ADGRD1: variants seen among roughly 807,000 people sequenced by gnomAD.
The protein encoded by ADGRD1 is G-protein coupled receptor 133.
A neutral mutation model predicts 113.4 loss-of-function variants in ADGRD1; 77 were observed. That is an observed-to-expected ratio of 0.68 (90% CI 0.57 to 0.82). The LOEUF (loss-of-function observed/expected upper bound fraction) is 0.82, where lower values mean the gene tolerates loss of function less well. Among genes scored for constraint, ADGRD1 ranks in the 40% least tolerant of loss-of-function variants. The pLI is 0.00. For synonymous variants in ADGRD1, 474 were observed against 475.0 expected, an observed-to-expected ratio of 1.00 and a Z score of 0.03; for missense variants, 1,036 against 1,139.1, an observed-to-expected ratio of 0.91 and a Z score of 1.30.
At chr12:131,023,051 A>G (rs1319277136) in intron 13 of ADGRD1, 2 of 151,828 alleles carry the variant, frequency 1.3e-5, no homozygotes, top group Admixed American at 6.6e-5. Context: ...ATTATTCTCA[A>G]TAATTTTATT....
At position 131,050,206 on chromosome 12, in the gene ADGRD1, A is replaced by G. The variant is rs903846886; in HGVS notation, c.1474-26595A>G. Among the ~76,000 whole-genome samples, 2 of 125,434 alleles carry G rather than the reference A, an allele frequency of 1.6e-5. No homozygotes were observed. The highest frequency in any genetic ancestry group is 5.0e-5 in the African/African-American group (2 of 39,948). The allele number at this position is 125,434 out of a possible 152,430, so 82.3% of individuals were successfully genotyped here. ...CATTTTCCTGTCTCAAGTTGAAATCACCATCGTCATCGTCATCATCATCAT... is the reference window on the plus strand; with the variant it reads ...CATTTTCCTGTCTCAAGTTGAAATCGCCATCGTCATCGTCATCATCATCAT... On this transcript the variant is annotated intron_variant, in intron 13 of 24. Transcript: ENST00000261654. This position sits in a 1 kb window ranked among gnomAD's most constrained non-coding sequence, Gnocchi z 4.8.
At chr12:130,959,273 C>T (rs557889030) in intron 2 of ADGRD1, among the ~76,000 whole-genome samples, 1 of 152,192 alleles carries the variant, frequency 6.6e-6, no homozygotes, top group African/African-American at 2.4e-5. Flanking sequence ...ATAGGAGACA[C>T]GCAATAAATA....
chr12:131,065,502 A>G (rs910031324), intron 13 of ADGRD1, among the ~76,000 whole-genome samples: 7 of 152,246 alleles, frequency 4.6e-5, no homozygotes, highest in Middle Eastern at 3.4e-3. Flanking sequence ...CCGTGGGAGG[A>G]GGCGTCAGAG....
rs1485304572 is a variant in ADGRD1 at position 131,139,464 on chromosome 12, G to GT, written c.*202dup. The GT allele has an allele frequency of 3.2e-5, 18 of 564,480 alleles. No individual in the cohort carries two copies. In the East Asian group the frequency reaches 5.4e-4, roughly 17 times the overall value. The allele number at this position is 564,480 out of a possible 1,614,324, so 35.0% of individuals were successfully genotyped here. A position where few individuals can be genotyped will look rare whatever the true frequency, so the allele number is the denominator to read the frequency against. On this transcript the variant is annotated 3_prime_UTR_variant, in exon 25 of 25. Coordinates refer to ENST00000261654, the MANE Select transcript of ADGRD1 (RefSeq NM_198827.5). ...CCAGCAGCCTGATGCCCAGGCCAGC[G>GT]TGGGCCCTCCTGCCTTGCATCCACC...
chr12:130,997,298 C>T (rs1294866171), intron 8 of ADGRD1, among the ~76,000 whole-genome samples: 20 of 138,032 alleles, frequency 1.4e-4, no homozygotes, highest in Non-Finnish European at 2.3e-4. Flanking sequence ...GCTGGCCTGG[C>T]GGGGGCTGAC....
At chr12:131,085,474 G>A (rs12422950) in intron 15 of ADGRD1, among the ~76,000 whole-genome samples, 10 of 152,256 alleles carry the variant, frequency 6.6e-5, no homozygotes, top group Non-Finnish European at 1.3e-4. Flanking sequence ...AGGGAGGAGC[G>A]TGAGTTTCAT....
chr12:131,131,612 G>A (rs527711062), intron 20 of ADGRD1, 113 bp from the exon 21 acceptor site: 6 of 694,884 alleles, frequency 8.6e-6, no homozygotes, highest in Middle Eastern at 3.1e-4. Context: ...TGTGTCCCAG[G>A]AGCCCTGGCT....
At chr12:131,045,979 G>A (rs1475511095) in intron 13 of ADGRD1, among the ~76,000 whole-genome samples, 1 of 135,290 alleles carries the variant, frequency 7.4e-6, no homozygotes, top group Admixed American at 7.3e-5. Flanking sequence ...CCTCCCTGGG[G>A]AGTGCTCCCT....
chr12:131,127,376 T>G (rs951070270), intron 20 of ADGRD1, among the ~76,000 whole-genome samples: 1 of 152,238 alleles, frequency 6.6e-6, no homozygotes, highest in African/African-American at 2.4e-5. Context: ...GTGTGCATCT[T>G]TCAGCTTTAC....
intron 3 of ADGRD1, chr12:130,968,335 G>A (rs1871248212): frequency 6.6e-6 from 1 of 152,572 alleles, no homozygotes; most frequent in African/African-American, 2.4e-5. Context: ...ATTGCAATGT[G>A]GAAGGTTTCT....
intron 8 of ADGRD1, among the ~76,000 whole-genome samples, chr12:130,999,182 T>C (rs2398545): frequency 0.93 from 142,251 of 152,326 alleles, 67,189 homozygotes; most frequent in East Asian, 1. Context: ...GGCCCTCGAG[T>C]CAAATCTGGC....
At chr12:130,998,223 G>A (rs1181254302) in intron 8 of ADGRD1, among the ~76,000 whole-genome samples, 2 of 152,010 alleles carry the variant, frequency 1.3e-5, no homozygotes, top group African/African-American at 2.4e-5. Flanking sequence ...GGGAGAGGGA[G>A]AGCAGAAATC....
intron 11 of ADGRD1, among the ~76,000 whole-genome samples, chr12:131,004,775 C>T (rs922355426): frequency 3.3e-5 from 5 of 152,220 alleles, no homozygotes; most frequent in African/African-American, 1.2e-4. Context: ...CACTCCTGTG[C>T]AGGCCTCAGT....
chr12:131,069,572 T>A (rs1249293413), intron 13 of ADGRD1: 2 of 152,348 alleles, frequency 1.3e-5, no homozygotes. Flanking sequence ...ATCAAGGGGC[T>A]CACACACATG....
rs368653101 is a variant in ADGRD1 at position 131,084,688 on chromosome 12, C to A, written c.1671+25C>A. Reference sequence around the variant, plus strand: ...GGTAAGAGCCAGGCCTCAGGGGTCGCGGGACCTGGGGGACGTACCATGAGG... The same window carrying A: ...GGTAAGAGCCAGGCCTCAGGGGTCGAGGGACCTGGGGGACGTACCATGAGG... On this transcript the variant is annotated intron_variant, in intron 15 of 24. Transcript: ENST00000261654. The surrounding 1 kb of genome is among the most constrained non-coding windows in gnomAD (Gnocchi z 4.5). The A allele has an allele frequency of 6.2e-7, 1 of 1,612,534 alleles. No individual in the cohort carries two copies. The highest frequency in any genetic ancestry group is 1.1e-5 in the South Asian group (1 of 90,924).
At chr12:131,049,696 T>C (rs1593121886) in intron 13 of ADGRD1, among the ~76,000 whole-genome samples, 1 of 151,962 alleles carries the variant, frequency 6.6e-6, no homozygotes, top group African/African-American at 2.4e-5. Flanking sequence ...CCGTCTGGGG[T>C]GCGAGCAGGG....
chr12:131,136,739 C>A (rs1405104445), intron 22 of ADGRD1, among the ~76,000 whole-genome samples: 1 of 152,242 alleles, frequency 6.6e-6, no homozygotes, highest in Non-Finnish European at 1.5e-5. Flanking sequence ...TGCTGCCGCA[C>A]CTATGCCCAC....
chr12:131,046,236 T>TC (rs1882733176), intron 13 of ADGRD1, among the ~76,000 whole-genome samples: 4 of 127,432 alleles, frequency 3.1e-5, no homozygotes, highest in Non-Finnish European at 4.9e-5. Flanking sequence ...TGGTCAGTGC[T>TC]CCTCCCTGGT....
At chr12:130,995,409 A>G (rs1467347283) in intron 8 of ADGRD1, among the ~76,000 whole-genome samples, 2 of 152,166 alleles carry the variant, frequency 1.3e-5, no homozygotes, top group Non-Finnish European at 2.9e-5. Context: ...CTTTCTTTTT[A>G]AGCTTGGTCA....
Sources: gnomAD v4.1 joint callset for allele counts (sites outside exome capture counted in the v4.1 genomes callset) on GRCh38, gnomAD v4.1.1 for gene constraint, Gnocchi (gnomAD v3.1) non-coding constraint, MANE v1.5 for transcripts, NCBI Gene and HGNC (gene_info 2026-07-23, HGNC 2026-07-21) for gene names.